Variants in NAALADL2 observed in about 807,000 individuals in gnomAD.
NAALADL2 encodes the protein inactive N-acetylated-alpha-linked acidic dipeptidase-like protein 2.
NAALADL2 carries 76 observed loss-of-function variants against 87.2 expected under a neutral mutation model. That is an observed-to-expected ratio of 0.87 (90% CI 0.72 to 1.05). The LOEUF is 1.05. NAALADL2 is among the 50% of genes least tolerant of loss of function. The pLI is 0.00. For missense variants in NAALADL2, 1,089 were observed against 945.8 expected (o/e 1.15, Z -1.99); for synonymous variants, 354 against 331.0 (o/e 1.07, Z -0.75).
At chr3:175,310,933 GA>G (rs367981120) in intron 4 of NAALADL2, among the ~76,000 whole-genome samples, 122 of 147,014 alleles carry the variant, frequency 8.3e-4, no homozygotes, top group Middle Eastern at 3.6e-3. Flanking sequence ...GTCTACAGAT[GA>G]AAAAAAAAAG....
At chr3:175,714,464 C>A (rs556739036) in intron 11 of NAALADL2, among the ~76,000 whole-genome samples, 2 of 152,250 alleles carry the variant, frequency 1.3e-5, no homozygotes, top group South Asian at 2.1e-4. Context: ...TTGTGATTTG[C>A]ATTTCTCTAA....
intron 13 of NAALADL2, among the ~76,000 whole-genome samples, chr3:175,760,416 G>A (rs1747851312): frequency 6.6e-6 from 1 of 152,190 alleles, no homozygotes; most frequent in Non-Finnish European, 1.5e-5. Context: ...AAGGGCACAA[G>A]GATAGACTGC....
At chr3:174,556,687 G>A (rs1712869289) in intron 2 of NAALADL2, among the ~76,000 whole-genome samples, 1 of 152,040 alleles carries the variant, frequency 6.6e-6, no homozygotes, top group South Asian at 2.1e-4. Context: ...TTAAGAATAT[G>A]TGTTCTTGAA....
chr3:175,243,321 AACACACAC>A (rs113418317), intron 3 of NAALADL2, among the ~76,000 whole-genome samples: 3 of 144,556 alleles, frequency 2.1e-5, no homozygotes, highest in Admixed American at 1.4e-4. Context: ...TTTAGAAGGA[AACACACAC>A]ACACACACAC....
In NAALADL2 at chr3:174,873,869, T is replaced by G. The variant is rs527457913; in HGVS notation, c.43+14419T>G. Among the ~76,000 whole-genome samples the G allele has an allele frequency of 2.7e-3, 411 of 151,872 alleles. 2 individuals carry two copies. Among genetic ancestry groups the G allele is most frequent in the African/African-American group, 9.5e-3 (394 of 41,468 alleles). ...AGGGAAATTTAAGCAGAGTAGGTGA[T>G]ACCTGCTTCCTCCTCAAGGAATAAA... On this transcript the variant is annotated intron_variant, in intron 1 of 13. Coordinates refer to ENST00000454872, the MANE Select transcript of NAALADL2 (RefSeq NM_207015.3).
rs185350437 is a variant in NAALADL2 at position 174,672,305 on chromosome 3, A to T, written c.-114-65336A>T. 4.1e-4 allele frequency among the ~76,000 whole-genome samples: 63 copies of T among 152,250 alleles called. 1 individual carries two copies. The Middle Eastern group carries it at 0.017, about 41-fold the overall frequency. ...AAATTCGTGTTTGGCTACAAATACC[A>T]ATAAGAATTTTTTATCTACTCAGAA... On this transcript the variant is annotated intron_variant, in intron 2 of 3. Transcript: ENST00000434257.
intron 1 of NAALADL2, among the ~76,000 whole-genome samples, chr3:174,544,552 CTTTTTTTTTGTTTTCT>C (rs1560044189): frequency 7.0e-6 from 1 of 142,148 alleles, no homozygotes; most frequent in East Asian, 2.1e-4. Flanking sequence ...TCTTTGTTTC[CTTTTTTTTTGTTTTCT>C]TTTTTTTTTT....
Position 174,674,424 on chromosome 3 carries a change from G to T in NAALADL2, c.-114-63217G>T, listed in dbSNP as rs147071864. 1.6e-4 allele frequency among the ~76,000 whole-genome samples: 25 copies of T among 152,100 alleles called. No homozygotes were observed. The East Asian group carries it at 4.8e-3, about 29-fold the overall frequency. ...TCCAAGCCATACATGTCTTGTCATT[G>T]TATGTATTGAAAACCTACAAATACT... On this transcript the variant is annotated intron_variant, in intron 2 of 3. Coordinates refer to the NAALADL2 transcript ENST00000434257.
intron 1 of NAALADL2, among the ~76,000 whole-genome samples, chr3:174,991,341 C>T (rs574879244): frequency 6.6e-6 from 1 of 151,816 alleles, no homozygotes; most frequent in Admixed American, 6.6e-5. Context: ...TCTTTAGAGG[C>T]ATTTTCTTTG....
intron 2 of NAALADL2, among the ~76,000 whole-genome samples, chr3:175,151,827 C>T (rs895700033): frequency 2.6e-5 from 4 of 151,992 alleles, no homozygotes; most frequent in African/African-American, 4.8e-5. Flanking sequence ...TAAATCATAG[C>T]AACAACAAAA....
intron 9 of NAALADL2, among the ~76,000 whole-genome samples, chr3:175,523,846 T>G (rs1045409691): frequency 1.3e-5 from 2 of 152,132 alleles, no homozygotes; most frequent in African/African-American, 4.8e-5. Flanking sequence ...AAAGTTTGCT[T>G]TATGAGGAAG....
chr3:174,748,342 T>TAA (rs60675514), intron 3 of NAALADL2, among the ~76,000 whole-genome samples: 4 of 149,462 alleles, frequency 2.7e-5, no homozygotes, highest in Admixed American at 6.7e-5. Context: ...TTTTTTTTTT[T>TAA]AAAAAGAGGC....
Position 174,589,134 on chromosome 3 carries a change from C to G in NAALADL2, c.-115+38497C>G, listed in dbSNP as rs916422411. Reference sequence around the variant, plus strand: ...TGCAGTTCGATCTCAGACTACTGTGCTAGCAGCGAGCGAGGCTCCTTGGGC... The same window carrying G: ...TGCAGTTCGATCTCAGACTACTGTGGTAGCAGCGAGCGAGGCTCCTTGGGC... On this transcript the variant is annotated intron_variant, in intron 2 of 3. Coordinates refer to the NAALADL2 transcript ENST00000434257. Among the ~76,000 whole-genome samples, 13 of 152,318 alleles carry G rather than the reference C, an allele frequency of 8.5e-5. No individual in the cohort carries two copies. The East Asian group carries it at 1.9e-3, about 23-fold the overall frequency.
chr3:175,591,796 A>G (rs1213415576), intron 10 of NAALADL2, among the ~76,000 whole-genome samples: 3,651 of 15,294 alleles, frequency 0.24, 197 homozygotes, highest in African/African-American at 0.35. Flanking sequence ...ATATATATAT[A>G]TATATATATA....
chr3:174,539,987 A>G (rs974754150), intron 1 of NAALADL2, among the ~76,000 whole-genome samples: 12 of 148,700 alleles, frequency 8.1e-5, no homozygotes, highest in African/African-American at 3.0e-4. Flanking sequence ...GAAAAAAAAA[A>G]AAAAAAAAAA....
At chr3:175,451,148 A>G (rs921537930) in intron 6 of NAALADL2, among the ~76,000 whole-genome samples, 1 of 152,170 alleles carries the variant, frequency 6.6e-6, no homozygotes, top group African/African-American at 2.4e-5. Flanking sequence ...ATATGAGTCA[A>G]TACATTACTC....
intron 1 of NAALADL2, among the ~76,000 whole-genome samples, chr3:174,979,304 C>CT (rs5854604): frequency 0.38 from 39,825 of 105,052 alleles, 9,070 homozygotes; most frequent in Non-Finnish European, 0.49. Context: ...TCTTTCTTTT[C>CT]TTTTTTTTTT....
intron 11 of NAALADL2, among the ~76,000 whole-genome samples, chr3:175,725,797 G>A (rs112719282): frequency 6.6e-6 from 1 of 152,024 alleles, no homozygotes; most frequent in Non-Finnish European, 1.5e-5. Flanking sequence ...ATAGAATAAG[G>A]CTATTGTAAG....
chr3:175,294,658 T>C (rs565232207), intron 4 of NAALADL2, among the ~76,000 whole-genome samples: 2 of 152,258 alleles, frequency 1.3e-5, no homozygotes, highest in African/African-American at 4.8e-5. Context: ...TATCTGTAGT[T>C]TCAAAAAAAA....
Sources: gnomAD v4.1 joint callset for allele counts (sites outside exome capture counted in the v4.1 genomes callset) on GRCh38, gnomAD v4.1.1 for gene constraint, MANE v1.5 for transcripts, NCBI Gene and HGNC (gene_info 2026-07-23, HGNC 2026-07-21) for gene names.